Variants in HHAT observed in about 807,000 individuals in gnomAD.
The protein encoded by HHAT is protein-cysteine N-palmitoyltransferase HHAT.
In HHAT, 47 loss-of-function variants were observed where a neutral mutation model predicts 70.8. The observed-to-expected ratio is 0.66, with a 90% CI of 0.53 to 0.85. The LOEUF (loss-of-function observed/expected upper bound fraction) is 0.85. Ranked by LOEUF, HHAT falls within the 40% of genes least tolerant of loss-of-function variation. HHAT has a pLI of 0.00. For synonymous variants in HHAT, 228 were observed against 247.6 expected (o/e 0.92, Z 0.74); for missense variants, 609 against 604.8 (o/e 1.01, Z -0.07).
intron 8 of HHAT, among the ~76,000 whole-genome samples, chr1:210,471,814 T>G (rs746000778): frequency 6.6e-6 from 1 of 152,218 alleles, no homozygotes; most frequent in Non-Finnish European, 1.5e-5. Flanking sequence ...TTTTCCAATA[T>G]CAAATAATTT....
chr1:210,363,625 C>T (rs552444829), intron 3 of HHAT, among the ~76,000 whole-genome samples: 2 of 152,284 alleles, frequency 1.3e-5, no homozygotes, highest in South Asian at 4.2e-4. Context: ...TTTCTCAGGA[C>T]CCCATTTCAG....
At chr1:210,524,354 G>C (rs893803313) in intron 9 of HHAT, among the ~76,000 whole-genome samples, 1 of 152,194 alleles carries the variant, frequency 6.6e-6, no homozygotes, top group Non-Finnish European at 1.5e-5. Flanking sequence ...TGTTTGAAGG[G>C]CTGGGCAGGA....
At chr1:210,414,256 G>T (rs559417353) in intron 6 of HHAT, among the ~76,000 whole-genome samples, 1 of 152,156 alleles carries the variant, frequency 6.6e-6, no homozygotes, top group Non-Finnish European at 1.5e-5. Flanking sequence ...TGAAGGGTCT[G>T]CTCTCATGAC....
chr1:210,386,442 T>G (rs1003070431), intron 3 of HHAT, among the ~76,000 whole-genome samples: 7 of 150,704 alleles, frequency 4.6e-5, no homozygotes, highest in African/African-American at 1.5e-4. Flanking sequence ...GTTTCACCGT[T>G]TTAGCCGGGA....
At chr1:210,662,206 C>T (rs182758866) in intron 11 of HHAT, among the ~76,000 whole-genome samples, 1 of 152,168 alleles carries the variant, frequency 6.6e-6, no homozygotes, top group Admixed American at 6.5e-5. Flanking sequence ...GCGTGGTGGC[C>T]CCAGAGTTTG....
At chr1:210,607,826 G>C (rs1665805891) in intron 10 of HHAT, among the ~76,000 whole-genome samples, 1 of 151,676 alleles carries the variant, frequency 6.6e-6, no homozygotes, top group Non-Finnish European at 1.5e-5. Flanking sequence ...GAGGCTGAAA[G>C]TCCTCTGGGA....
At chr1:210,463,488 C>A (rs1458125478) in intron 7 of HHAT, among the ~76,000 whole-genome samples, 1 of 152,156 alleles carries the variant, frequency 6.6e-6, no homozygotes, top group African/African-American at 2.4e-5. Flanking sequence ...ATCAGTATTT[C>A]ATTCCTTTTT....
chr1:210,628,799 G>T (rs552002190), intron 11 of HHAT, among the ~76,000 whole-genome samples: 1 of 152,158 alleles, frequency 6.6e-6, no homozygotes, highest in Non-Finnish European at 1.5e-5. Context: ...AGCTGAACTG[G>T]AGTATTGCAC....
At chr1:210,581,662 G>A (rs772844362) in intron 9 of HHAT, among the ~76,000 whole-genome samples, 1 of 152,192 alleles carries the variant, frequency 6.6e-6, no homozygotes, top group Admixed American at 6.5e-5. Context: ...CTTTAGTAGG[G>A]TAATTAGGAT....
chr1:210,381,022 T>A (rs2090596440), intron 3 of HHAT, among the ~76,000 whole-genome samples: 2 of 152,076 alleles, frequency 1.3e-5, no homozygotes. Context: ...AATATTACTT[T>A]GGTGCTGTGT....
chr1:210,671,129 C>T (rs1476077575), intron 11 of HHAT, among the ~76,000 whole-genome samples: 1 of 152,190 alleles, frequency 6.6e-6, no homozygotes, highest in African/African-American at 2.4e-5. Context: ...GGGTGCCAAG[C>T]AGAGCTGTGC....
intron 9 of HHAT, among the ~76,000 whole-genome samples, chr1:210,587,219 A>G (rs1383358800): frequency 7.9e-5 from 12 of 152,214 alleles, no homozygotes; most frequent in Non-Finnish European, 1.6e-4. Flanking sequence ...TAAAGAAAAA[A>G]CACTTTAATG....
At chr1:210,663,298 C>CT (rs762603557) in intron 11 of HHAT, among the ~76,000 whole-genome samples, 1 of 152,090 alleles carries the variant, frequency 6.6e-6, no homozygotes, top group Non-Finnish European at 1.5e-5. Context: ...TCTCTGTTAC[C>CT]TTGAGCACCT....
chr1:210,645,628 T>A (rs1214770160), intron 11 of HHAT, among the ~76,000 whole-genome samples: 1 of 152,214 alleles, frequency 6.6e-6, no homozygotes, highest in African/African-American at 2.4e-5. Flanking sequence ...GTGGTTGGGT[T>A]CGCACTGCGA....
At chr1:210,640,244 G>A (rs1672719155) in intron 11 of HHAT, among the ~76,000 whole-genome samples, 1 of 152,222 alleles carries the variant, frequency 6.6e-6, no homozygotes, top group Admixed American at 6.5e-5. Flanking sequence ...CAGTGATGTA[G>A]ATACTACAAA....
chr1:210,465,754 G>A (rs1178438461), intron 8 of HHAT, among the ~76,000 whole-genome samples: 1 of 152,202 alleles, frequency 6.6e-6, no homozygotes, highest in Non-Finnish European at 1.5e-5. Context: ...ATTTTTCATA[G>A]TAACTTATTA....
At chr1:210,578,152 A>G (rs1658349228) in intron 9 of HHAT, among the ~76,000 whole-genome samples, 1 of 152,128 alleles carries the variant, frequency 6.6e-6, no homozygotes, top group Non-Finnish European at 1.5e-5. Context: ...GTTTTTAATT[A>G]CTGATTCATT....
intron 9 of HHAT, among the ~76,000 whole-genome samples, chr1:210,539,409 G>T (rs1417585249): frequency 1.3e-5 from 2 of 152,210 alleles, no homozygotes; most frequent in African/African-American, 4.8e-5. Flanking sequence ...GAATAGTCTT[G>T]ACCTGGAAGG....
chr1:210,640,149 C>T (rs1022970602), intron 11 of HHAT, among the ~76,000 whole-genome samples: 3 of 152,140 alleles, frequency 2.0e-5, no homozygotes, highest in African/African-American at 7.2e-5. Context: ...TGTGTATCTC[C>T]GACTGAGTTA....
Sources: gnomAD v4.1 joint callset for allele counts (sites outside exome capture counted in the v4.1 genomes callset) on GRCh38, gnomAD v4.1.1 for gene constraint, MANE v1.5 for transcripts, NCBI Gene and HGNC (gene_info 2026-07-23, HGNC 2026-07-21) for gene names.